Variants in CDK17 observed in about 807,000 individuals in gnomAD.
The protein encoded by CDK17 is cyclin dependent kinase 17, also known as cyclin-dependent kinase 17.
CDK17 carries 24 observed loss-of-function variants against 77.6 expected under a neutral mutation model. The ratio of observed to expected loss-of-function variants is 0.31; its 90% CI spans 0.22 to 0.44. The LOEUF is 0.44. CDK17 is among the 20% of genes least tolerant of loss of function. The pLI is 1.00. For synonymous variants in CDK17, 203 were observed against 210.4 expected (o/e 0.96, Z 0.30); for missense variants, 429 against 622.5 (o/e 0.69, Z 3.31).
At chr12:96,366,495 A>T (rs965371756) in intron 1 of CDK17, among the ~76,000 whole-genome samples, 1 of 152,206 alleles carries the variant, frequency 6.6e-6, no homozygotes, top group African/African-American at 2.4e-5. Context: ...AACAGACATC[A>T]AGTAAAAATT....
intron 5 of CDK17, among the ~76,000 whole-genome samples, chr12:96,302,468 C>T (rs1426912055): frequency 3.9e-5 from 6 of 152,034 alleles, no homozygotes; most frequent in African/African-American, 1.2e-4. Flanking sequence ...TATGGAACTA[C>T]CGCATTTTTG....
intron 1 of CDK17, among the ~76,000 whole-genome samples, chr12:96,399,631 C>T (rs1018057517): frequency 5.9e-5 from 9 of 152,142 alleles, no homozygotes; most frequent in African/African-American, 1.9e-4. Context: ...TGCCTCTTTC[C>T]CCTCCTCCGC....
At chr12:96,331,438 A>G (rs1223319970) in intron 2 of CDK17, among the ~76,000 whole-genome samples, 2 of 152,202 alleles carry the variant, frequency 1.3e-5, no homozygotes, top group East Asian at 3.8e-4. Context: ...CAGAATCCTT[A>G]AATGAACCAA....
chr12:96,395,854 T>G (rs763914455), intron 1 of CDK17, among the ~76,000 whole-genome samples: 15 of 152,100 alleles, frequency 9.9e-5, no homozygotes, highest in Admixed American at 2.0e-4. Context: ...GACTTAAGAG[T>G]GCCCAGGGAG....
intron 1 of CDK17, among the ~76,000 whole-genome samples, chr12:96,350,376 A>G (rs34749536): frequency 0.025 from 3,784 of 151,998 alleles, 71 homozygotes; most frequent in South Asian, 0.039. Flanking sequence ...GACAACGACG[A>G]TATCTTAAAA....
intron 10 of CDK17, among the ~76,000 whole-genome samples, chr12:96,294,091 T>A (rs7316681): frequency 1.0e-3 from 157 of 152,324 alleles, no homozygotes; most frequent in African/African-American, 3.4e-3. Flanking sequence ...TGCACTCAAA[T>A]AATCACATGA....
At chr12:96,313,542 C>T (rs1420626765) in intron 3 of CDK17, 88 bp from the exon 4 acceptor site, 5 of 702,960 alleles carry the variant, frequency 7.1e-6, no homozygotes, top group Admixed American at 4.2e-5. Flanking sequence ...AGAAGGCCAA[C>T]GAGTAAAAAT....
intron 2 of CDK17, among the ~76,000 whole-genome samples, chr12:96,324,754 A>T (rs1952870897): frequency 6.6e-6 from 1 of 152,018 alleles, no homozygotes; most frequent in Non-Finnish European, 1.5e-5. Context: ...GCGACAGAGC[A>T]AGACTCCGTC....
intron 1 of CDK17, among the ~76,000 whole-genome samples, chr12:96,368,006 T>C (rs1953616191): frequency 6.6e-6 from 1 of 152,056 alleles, no homozygotes; most frequent in Non-Finnish European, 1.5e-5. Flanking sequence ...AATGTCACAC[T>C]GCAGTATGAT....
In CDK17 at chr12:96,374,955, A is replaced by G. The variant is rs140166803; in HGVS notation, c.-30+25031T>C. Among the ~76,000 whole-genome samples, 60 of 152,296 alleles carry G rather than the reference A, an allele frequency of 3.9e-4. No individual in the cohort carries two copies. In the South Asian group the frequency reaches 7.5e-3, roughly 19 times the overall value. ...CACCAGTTCATCTCAGCACTGCTGAACAGTCACACAACAGAACAGTTTGAT... is the reference window on the plus strand; with the variant it reads ...CACCAGTTCATCTCAGCACTGCTGAGCAGTCACACAACAGAACAGTTTGAT... On this transcript the variant is annotated intron_variant, in intron 1 of 16. Coordinates refer to ENST00000261211, the MANE Select transcript of CDK17 (RefSeq NM_002595.5).
At chr12:96,295,678 T>A (rs192040545) in intron 9 of CDK17, among the ~76,000 whole-genome samples, 1 of 152,300 alleles carries the variant, frequency 6.6e-6, no homozygotes. Context: ...AAAACTAACC[T>A]AAACCAGCTT....
intron 2 of CDK17, among the ~76,000 whole-genome samples, chr12:96,334,314 A>G (rs1055772002): frequency 1.3e-5 from 2 of 152,254 alleles, no homozygotes. Flanking sequence ...ATGAAACATT[A>G]TGAAACTGAT....
intron 2 of CDK17, among the ~76,000 whole-genome samples, chr12:96,332,623 C>G (rs1952988647): frequency 1.3e-5 from 2 of 152,150 alleles, no homozygotes; most frequent in South Asian, 2.1e-4. Context: ...TGTGCTATTA[C>G]AGAGAGAAAA....
At chr12:96,379,694 T>A (rs1490568835) in intron 1 of CDK17, among the ~76,000 whole-genome samples, 1 of 152,100 alleles carries the variant, frequency 6.6e-6, no homozygotes, top group Non-Finnish European at 1.5e-5. Context: ...CTTCCCAAAT[T>A]TGCAGGAATT....
At chr12:96,297,547 A>C in intron 8 of CDK17, 80 bp downstream of exon 8, 2 of 1,029,646 alleles carry the variant, frequency 1.9e-6, no homozygotes, top group Non-Finnish European at 3.0e-6. Flanking sequence ...TTTAAAGAAA[A>C]ATAAAAAACA....
intron 1 of CDK17, among the ~76,000 whole-genome samples, chr12:96,374,491 T>A (rs776849239): frequency 1.5e-4 from 23 of 152,318 alleles, no homozygotes; most frequent in Non-Finnish European, 2.4e-4. Flanking sequence ...TAGCTTCTAT[T>A]CCCTTAAGGT....
intron 1 of CDK17, among the ~76,000 whole-genome samples, chr12:96,372,029 G>C (rs1414862870): frequency 6.7e-6 from 1 of 148,260 alleles, no homozygotes; most frequent in Non-Finnish European, 1.5e-5. Flanking sequence ...GTGTGTGTGT[G>C]TGTGTACAAC....
chr12:96,366,922 C>T (rs952630339), intron 1 of CDK17, among the ~76,000 whole-genome samples: 2 of 152,138 alleles, frequency 1.3e-5, no homozygotes, highest in Non-Finnish European at 2.9e-5. Flanking sequence ...CTCCTTATTT[C>T]CTTTTCTTTC....
At position 96,334,522 on chromosome 12, in the gene CDK17, A is replaced by G. The variant is rs17025368; in HGVS notation, c.118+197T>C. On this transcript the variant is annotated intron_variant, in intron 2 of 16. Coordinates refer to ENST00000261211, the MANE Select transcript of CDK17 (RefSeq NM_002595.5). ...ATCAGGGTTTGAGACCAGGTATCGT[A>G]ATGTTGGAGTGAGAGGGAAATATTC... Among the ~76,000 whole-genome samples the G allele has an allele frequency of 3.4e-3, 512 of 152,336 alleles. 11 individuals carry two copies. In the South Asian group the frequency reaches 0.053, roughly 16 times the overall value.
Sources: allele counts gnomAD v4.1 joint callset (sites outside exome capture counted in the v4.1 genomes callset), GRCh38; gene constraint gnomAD v4.1.1; transcripts MANE v1.5; gene names NCBI Gene and HGNC (gene_info 2026-07-23, HGNC 2026-07-21).